ITFG1: variants seen among roughly 807,000 people sequenced by gnomAD.
The protein encoded by ITFG1 is T-cell immunomodulatory protein.
Under a neutral mutation model 81.8 loss-of-function variants are expected in ITFG1, and 34 were observed. The observed-to-expected ratio is 0.42, with a 90% CI of 0.32 to 0.55. The LOEUF is 0.55. Among genes scored for constraint, ITFG1 ranks in the 20% least tolerant of loss-of-function variants. The probability of loss-of-function intolerance (pLI) is 0.17; values close to 1 mark genes in which losing one functional copy is unlikely to be tolerated. For missense variants in ITFG1, 672 were observed against 755.4 expected, an observed-to-expected ratio of 0.89 and a Z score of 1.29; for synonymous variants, 285 against 270.6, an observed-to-expected ratio of 1.05 and a Z score of -0.52.
chr16:47,430,346 G>A (rs1042020015), intron 5 of ITFG1, among the ~76,000 whole-genome samples: 6 of 151,918 alleles, frequency 3.9e-5, no homozygotes, highest in African/African-American at 9.7e-5. Context: ...GATTACAGGC[G>A]TGAGCCACCA....
chr16:47,453,555 T>C (rs1969415102), intron 3 of ITFG1, among the ~76,000 whole-genome samples: 1 of 152,238 alleles, frequency 6.6e-6, no homozygotes, highest in African/African-American at 2.4e-5. Flanking sequence ...TTTCTATCTG[T>C]GTCTGCTCAC....
intron 5 of ITFG1, among the ~76,000 whole-genome samples, chr16:47,444,617 A>C (rs989969199): frequency 3.9e-5 from 6 of 152,222 alleles, no homozygotes; most frequent in Admixed American, 2.6e-4. Flanking sequence ...AAATTTCATA[A>C]GATAAAATAA....
chr16:47,271,235 T>C (rs868679052), intron 10 of ITFG1, among the ~76,000 whole-genome samples: 2 of 152,042 alleles, frequency 1.3e-5, no homozygotes, highest in Admixed American at 6.6e-5. Flanking sequence ...GGGACTTGTA[T>C]CTAGAATGTA....
At chr16:47,274,836 G>A (rs1966380984) in intron 10 of ITFG1, among the ~76,000 whole-genome samples, 1 of 152,120 alleles carries the variant, frequency 6.6e-6, no homozygotes. Context: ...GATGTTTTGT[G>A]GAACAAAATC....
intron 13 of ITFG1, among the ~76,000 whole-genome samples, chr16:47,234,233 A>G (rs1257580980): frequency 1.3e-5 from 2 of 152,246 alleles, no homozygotes; most frequent in Non-Finnish European, 2.9e-5. Context: ...TATGATTAAC[A>G]TGCTAAGGGT....
intron 14 of ITFG1, among the ~76,000 whole-genome samples, chr16:47,174,909 T>C (rs965941600): frequency 4.6e-5 from 7 of 152,212 alleles, no homozygotes; most frequent in Non-Finnish European, 1.0e-4. Context: ...GGAAAAATGA[T>C]ATCTCGATGA....
intron 14 of ITFG1, among the ~76,000 whole-genome samples, chr16:47,171,935 T>C (rs1964968035): frequency 6.6e-6 from 1 of 152,194 alleles, no homozygotes; most frequent in African/African-American, 2.4e-5. Flanking sequence ...GAGATTTTCT[T>C]TTATGTTTAC....
intron 10 of ITFG1, among the ~76,000 whole-genome samples, chr16:47,277,681 C>T (rs1011333525): frequency 6.6e-5 from 10 of 152,172 alleles, no homozygotes; most frequent in African/African-American, 2.4e-4. Flanking sequence ...CGTTTGGCTA[C>T]TAAGGAATTG....
At chr16:47,415,760 C>G (rs1487937642) in intron 6 of ITFG1, among the ~76,000 whole-genome samples, 1 of 152,092 alleles carries the variant, frequency 6.6e-6, no homozygotes, top group African/African-American at 2.4e-5. Flanking sequence ...AATAAGCACT[C>G]TCATGAGCCT....
rs540434731 is a variant in ITFG1, at chr16:47,324,390, T to C, written c.803-10567A>G. On this transcript the variant is annotated intron_variant, in intron 8 of 17. Coordinates refer to ENST00000320640, the MANE Select transcript of ITFG1 (RefSeq NM_030790.5). Reference sequence around the variant, plus strand: ...CCAGCCACTGCAAAAACATGCCAAATTGTAAAGACCATCAAGGCTAGGAAG... The same window carrying C: ...CCAGCCACTGCAAAAACATGCCAAACTGTAAAGACCATCAAGGCTAGGAAG... 8.4e-4 allele frequency among the ~76,000 whole-genome samples: 127 copies of C among 152,082 alleles called. 1 individual carries two copies. Among genetic ancestry groups the C allele is most frequent in the African/African-American group, 2.9e-3 (119 of 41,468 alleles).
chr16:47,379,556 T>G (rs1290750176), intron 6 of ITFG1, among the ~76,000 whole-genome samples: 2 of 151,886 alleles, frequency 1.3e-5, no homozygotes, highest in Non-Finnish European at 1.5e-5. Flanking sequence ...GGCGTGGTGG[T>G]GTGCATCTGT....
At chr16:47,181,351 TG>T (rs768628279) in intron 14 of ITFG1, among the ~76,000 whole-genome samples, 1 of 138,832 alleles carries the variant, frequency 7.2e-6, no homozygotes, top group Non-Finnish European at 1.5e-5. Flanking sequence ...GGGAGGGAGG[TG>T]GGGGGGTCAG....
At chr16:47,269,806 G>T (rs1265779120) in intron 10 of ITFG1, among the ~76,000 whole-genome samples, 1 of 151,910 alleles carries the variant, frequency 6.6e-6, no homozygotes, top group Admixed American at 6.6e-5. Context: ...AAATTTATAG[G>T]AAATACAAAG....
intron 15 of ITFG1, among the ~76,000 whole-genome samples, chr16:47,162,048 T>G (rs1481788055): frequency 6.6e-6 from 1 of 152,216 alleles, no homozygotes; most frequent in South Asian, 2.1e-4. Context: ...TTGTGTTTTA[T>G]GAATTCATTC....
At chr16:47,162,469 T>C in intron 15 of ITFG1, 71 bp downstream of exon 15, 2 of 1,232,094 alleles carry the variant, frequency 1.6e-6, no homozygotes, top group Non-Finnish European at 2.2e-6. Flanking sequence ...GTTCAAATTA[T>C]TTAATTTAAA....
intron 6 of ITFG1, among the ~76,000 whole-genome samples, chr16:47,421,843 A>G (rs13334239): frequency 0.12 from 18,126 of 152,106 alleles, 2,380 homozygotes; most frequent in African/African-American, 0.33. Context: ...CCCACCCAGC[A>G]ACAGGGTCTG....
intron 8 of ITFG1, among the ~76,000 whole-genome samples, chr16:47,354,480 A>G (rs1968011671): frequency 1.3e-5 from 2 of 152,152 alleles, no homozygotes; most frequent in South Asian, 2.1e-4. Context: ...ATACTTCATG[A>G]CATTGGTCTT....
In ITFG1 at chr16:47,375,844, T is replaced by C. The variant is rs769937434; in HGVS notation, c.720+32A>G. ...TGTGTGCTTTTACTGAAAGCCATCA[T>C]TTTAAAATGCTTCAAGGAAAAGATT... On this transcript the variant is annotated intron_variant, in intron 7 of 17. Transcript: ENST00000320640. 7 of 1,351,374 alleles carry C rather than the reference T, an allele frequency of 5.2e-6. No individual in the cohort carries two copies. The African/African-American group carries it at 1.0e-4, about 19-fold the overall frequency. The allele number at this position is 1,351,374 out of a possible 1,614,324, so 83.7% of individuals were successfully genotyped here. A position where few individuals can be genotyped will look rare whatever the true frequency, so the allele number is the denominator to read the frequency against.
intron 10 of ITFG1, among the ~76,000 whole-genome samples, chr16:47,272,654 C>T (rs1249939036): frequency 6.6e-6 from 1 of 152,048 alleles, no homozygotes; most frequent in East Asian, 1.9e-4. Flanking sequence ...CCTCGGCCTC[C>T]CAAAGTGCTG....
Sources: allele counts gnomAD v4.1 joint callset (sites outside exome capture counted in the v4.1 genomes callset), GRCh38; gene constraint gnomAD v4.1.1; transcripts MANE v1.5; gene names NCBI Gene and HGNC (gene_info 2026-07-23, HGNC 2026-07-21).